The following FASTKD1 variants were observed in gnomAD, a reference collection of about 807,000 sequenced individuals.
The protein encoded by FASTKD1 is FAST kinase domain-containing protein 1, mitochondrial.
Under a neutral mutation model 90.9 loss-of-function variants are expected in FASTKD1, and 94 were observed. The ratio of observed to expected loss-of-function variants is 1.03; its 90% CI spans 0.88 to 1.23. The LOEUF (loss-of-function observed/expected upper bound fraction) is 1.23, where lower values mean the gene tolerates loss of function less well. Ranked by LOEUF, FASTKD1 falls within the 50% of genes most tolerant of loss-of-function variation. FASTKD1 has a pLI of 0.00. For missense variants in FASTKD1, 945 were observed against 993.5 expected (o/e 0.95, Z 0.66); for synonymous variants, 319 against 345.8 (o/e 0.92, Z 0.86).
intron 6 of FASTKD1, 59 bp from the exon 7 acceptor site, chr2:169,555,314 G>A (rs760003936): frequency 1.4e-6 from 2 of 1,447,666 alleles, no homozygotes; most frequent in Non-Finnish European, 1.9e-6. Context: ...CATTTACTAT[G>A]GTGCTTTCAC....
chr2:169,533,465 A>G (rs1319370304), intron 12 of FASTKD1, among the ~76,000 whole-genome samples: 1 of 152,186 alleles, frequency 6.6e-6, no homozygotes, highest in Non-Finnish European at 1.5e-5. Flanking sequence ...CAGGTATATA[A>G]CCTTGGGCAA....
At chr2:169,561,513 G>T (rs902661556) in intron 4 of FASTKD1, among the ~76,000 whole-genome samples, 9 of 151,890 alleles carry the variant, frequency 5.9e-5, no homozygotes, top group African/African-American at 2.2e-4. Flanking sequence ...GAAAACCAGA[G>T]AAACTCCTTA....
rs948090628 is a variant in FASTKD1, at chr2:169,546,702, T to C, written c.1217A>G (p.Tyr406Cys). ...FAKLRELLLS[Y>C]LKNSFIPTEV... is the part of the protein sequence containing the mutation. The stretch of plus-strand genomic sequence containing the variant: ...AGTTGGTATGAAACTATTTTTCAAA[T>C]AACTGCAAAATGAAAAATGAAAAGA... The change falls in exon 8 of 15, where the codon TAT (tyrosine) becomes TGT (cysteine). Residue 406 changes from tyrosine (Y) to cysteine (C), a missense_variant and splice_region_variant. By Grantham distance (194) the Tyr-to-Cys change is radical (BLOSUM62 -2). Coordinates refer to ENST00000453153, the MANE Select transcript of FASTKD1 (RefSeq NM_024622.6). 1.5e-5 allele frequency: 24 copies of C among 1,590,508 alleles called. No homozygotes were observed. The highest frequency in any genetic ancestry group is 1.9e-5 in the Non-Finnish European group (22 of 1,169,670).
At chr2:169,534,750 C>T (rs1175766640) in intron 12 of FASTKD1, among the ~76,000 whole-genome samples, 5 of 152,188 alleles carry the variant, frequency 3.3e-5, no homozygotes, top group South Asian at 4.1e-4. Context: ...TGTGCCACTG[C>T]GCCCGGCCAA....
chr2:169,531,548 T>C lies in FASTKD1; in HGVS notation c.2189-58A>G, dbSNP rs370103768. The C allele has an allele frequency of 1.5e-4, 211 of 1,362,068 alleles. 1 individual carries two copies. In the East Asian group the frequency reaches 1.9e-3, roughly 12 times the overall value. 84.4% of individuals were successfully genotyped at this position (1,362,068 alleles called of 1,614,324 possible). A position where few individuals can be genotyped will look rare whatever the true frequency, so the allele number is the denominator to read the frequency against. On this transcript the variant is annotated intron_variant, in intron 12 of 14. Transcript: ENST00000453153. ...TAGGTAAAGTCTTACAGATAAAAGT[T>C]TAAGATATATTTGAAATATATATGC...
chr2:169,562,406 A>AT (rs1683744749), intron 4 of FASTKD1, among the ~76,000 whole-genome samples: 1 of 151,354 alleles, frequency 6.6e-6, no homozygotes, highest in Non-Finnish European at 1.5e-5. Flanking sequence ...CTAATTTTGT[A>AT]TTTTTTGTAG....
intron 12 of FASTKD1, among the ~76,000 whole-genome samples, chr2:169,534,175 C>A (rs1253327995): frequency 6.1e-5 from 6 of 97,718 alleles, no homozygotes; most frequent in African/African-American, 2.5e-4. Flanking sequence ...CAGAACAAGA[C>A]CCTTTCTCAA....
chr2:169,547,797 ATC>A (rs1475429649), intron 7 of FASTKD1, among the ~76,000 whole-genome samples: 1 of 143,460 alleles, frequency 7.0e-6, no homozygotes, highest in Non-Finnish European at 1.5e-5. Flanking sequence ...AGGCAGGGGA[ATC>A]TCTTGAACCA....
intron 12 of FASTKD1, among the ~76,000 whole-genome samples, chr2:169,536,756 C>T (rs1684738958): frequency 1.3e-5 from 2 of 152,112 alleles, no homozygotes; most frequent in Admixed American, 1.3e-4. Context: ...ACAACTAGAC[C>T]AGTTGAGAAA....
chr2:169,540,794 T>G (rs1240558861), intron 9 of FASTKD1, among the ~76,000 whole-genome samples: 3 of 152,256 alleles, frequency 2.0e-5, no homozygotes, highest in Admixed American at 6.5e-5. Flanking sequence ...GAGCCTGGAT[T>G]ATTATACTAT....
At position 169,544,742 on chromosome 2, in the gene FASTKD1, G is replaced by A; in HGVS notation, c.1795C>T (p.Gln599Ter). Residue 599 changes from glutamine to a stop codon, truncating the protein, a stop_gained, in exon 9 of 15, where the codon CAA becomes TAA. Coordinates refer to ENST00000453153, the MANE Select transcript of FASTKD1 (RefSeq NM_024622.6). LOFTEE classifies it high-confidence loss of function. Reference protein sequence around the residue: ...QRDEFLGTCVQHLNSYLGILD... With the variant: ...QRDEFLGTCV Reference sequence around the variant, plus strand: ...CTACCTAAGTAAGAATTAAGATGTTGCACGCAAGTTCCCAAAAATTCATCC... The same window carrying A: ...CTACCTAAGTAAGAATTAAGATGTTACACGCAAGTTCCCAAAAATTCATCC... 1 of 1,599,350 alleles carries A rather than the reference G, an allele frequency of 6.3e-7. No homozygotes were observed. Among genetic ancestry groups the A allele is most frequent in the Non-Finnish European group, 8.6e-7 (1 of 1,167,026 alleles).
chr2:169,568,628 TAAAAAA>T (rs10618482), intron 3 of FASTKD1, among the ~76,000 whole-genome samples: 23 of 41,500 alleles, frequency 5.5e-4, no homozygotes, highest in African/African-American at 6.7e-4. Flanking sequence ...CCCTGTCCAT[TAAAAAA>T]AAAAAAAAAA....
intron 6 of FASTKD1, among the ~76,000 whole-genome samples, chr2:169,555,518 C>T (rs1683259778): frequency 6.6e-6 from 1 of 152,124 alleles, no homozygotes; most frequent in African/African-American, 2.4e-5. Context: ...AGTTTTTCTT[C>T]CTCAGTTAAA....
At chr2:169,548,731 C>CAAAAAA (rs58560988) in intron 7 of FASTKD1, among the ~76,000 whole-genome samples, 1 of 35,656 alleles carries the variant, frequency 2.8e-5, no homozygotes, top group Non-Finnish European at 5.0e-5. Flanking sequence ...GACTCCGCCT[C>CAAAAAA]AAAAAAAAAA....
At position 169,557,303 on chromosome 2, in the gene FASTKD1, A is replaced by C; in HGVS notation, c.972-6T>G. On this transcript the variant is annotated splice_region_variant and splice_polypyrimidine_tract_variant and intron_variant, in intron 5 of 14. Transcript: ENST00000453153. ...ATAACATAGTTGATTTAAGTCTAGAAGCAAAAAAAAAAAAGTTTTTGGTTG... is the reference window on the plus strand; with the variant it reads ...ATAACATAGTTGATTTAAGTCTAGACGCAAAAAAAAAAAAGTTTTTGGTTG... The C allele has an allele frequency of 6.5e-7, 1 of 1,542,314 alleles. No individual in the cohort carries two copies. Among genetic ancestry groups the C allele is most frequent in the Non-Finnish European group, 8.8e-7 (1 of 1,141,064 alleles).
At chr2:169,557,398 T>C (rs1478097648) in intron 5 of FASTKD1, 101 bp from the exon 6 acceptor site, 4 of 587,712 alleles carry the variant, frequency 6.8e-6, no homozygotes, top group Non-Finnish European at 1.2e-5. Context: ...AAAAAAAATA[T>C]AAACAAAAAC....
intron 3 of FASTKD1, among the ~76,000 whole-genome samples, 183 bp downstream of exon 3, chr2:169,569,001 A>C (rs1175377255): frequency 3.1e-5 from 4 of 129,540 alleles, no homozygotes; most frequent in African/African-American, 5.1e-5. Context: ...TCCATCTCAA[A>C]AAAAAAAAAA....
chr2:169,565,009 C>G (rs1683893977), intron 3 of FASTKD1, among the ~76,000 whole-genome samples: 1 of 141,628 alleles, frequency 7.1e-6, no homozygotes, highest in Non-Finnish European at 1.5e-5. Context: ...GGCTGGAGTG[C>G]AATGGCGCGA....
At chr2:169,559,116 A>G (rs1252108383) in intron 5 of FASTKD1, among the ~76,000 whole-genome samples, 1 of 151,510 alleles carries the variant, frequency 6.6e-6, no homozygotes, top group African/African-American at 2.4e-5. Flanking sequence ...CTGGGACTAC[A>G]GGCGCTGCCA....
Sources: gnomAD v4.1 joint callset for allele counts (sites outside exome capture counted in the v4.1 genomes callset) on GRCh38, gnomAD v4.1.1 for gene constraint, MANE v1.5 for transcripts, NCBI Gene and HGNC (gene_info 2026-07-23, HGNC 2026-07-21) for gene names.